The following B3GALT1 variants were observed in gnomAD, a reference collection of about 807,000 sequenced individuals.
The protein encoded by B3GALT1 is UDP-Gal:betaGlcNAc beta 1,3-galactosyltransferase, polypeptide 1.
B3GALT1 carries 10 observed loss-of-function variants against 23.2 expected under a neutral mutation model. The observed-to-expected ratio is 0.43, with a 90% CI of 0.27 to 0.73. The LOEUF (loss-of-function observed/expected upper bound fraction) is 0.73, where lower values mean the gene tolerates loss of function less well. Among genes scored for constraint, B3GALT1 ranks in the 30% least tolerant of loss-of-function variants. The probability of loss-of-function intolerance (pLI) is 0.21; values close to 1 mark genes in which losing one functional copy is unlikely to be tolerated. For synonymous variants in B3GALT1, 156 were observed against 141.5 expected, an observed-to-expected ratio of 1.10 and a Z score of -0.73; for missense variants, 299 against 405.4, an observed-to-expected ratio of 0.74 and a Z score of 2.25.
chr2:167,425,533 C>G (rs1288599460), intron 1 of B3GALT1, among the ~76,000 whole-genome samples: 1 of 152,204 alleles, frequency 6.6e-6, no homozygotes, highest in African/African-American at 2.4e-5. Flanking sequence ...TTTCATACAT[C>G]TCCAGATGCT....
chr2:167,305,427 G>A (rs187782666), intron 1 of B3GALT1, among the ~76,000 whole-genome samples: 7 of 152,104 alleles, frequency 4.6e-5, no homozygotes, highest in African/African-American at 1.7e-4. Context: ...CTGATATTTT[G>A]GTTAACACAA....
rs1010227271 is a variant in B3GALT1, at chr2:167,715,728, C to G, written c.-352+68762C>G. The G allele has an allele frequency of 6.2e-6, 10 of 1,613,034 alleles. No homozygotes were observed. In the Admixed American group the frequency reaches 6.7e-5, roughly 11 times the overall value. On this transcript the variant is annotated intron_variant, in intron 3 of 4. Transcript: ENST00000392690. The stretch of plus-strand genomic sequence containing the variant: ...GCCGCCTTCTCAAAGCTGGCATCCT[C>G]TAAAGATGACTGTACTTCATAGCCT...
At chr2:167,752,568 A>G (rs1042005677) in intron 3 of B3GALT1, among the ~76,000 whole-genome samples, 7 of 148,760 alleles carry the variant, frequency 4.7e-5, no homozygotes, top group Non-Finnish European at 7.4e-5. Context: ...GAATAATAGC[A>G]TCCTCCCCCC....
At chr2:167,670,566 G>A (rs1430731696) in intron 3 of B3GALT1, among the ~76,000 whole-genome samples, 1 of 152,174 alleles carries the variant, frequency 6.6e-6, no homozygotes, top group African/African-American at 2.4e-5. Flanking sequence ...CCCCAAAGAA[G>A]TGGAGCTCTA....
chr2:167,860,643 A>C (rs1559005989), intron 4 of B3GALT1, among the ~76,000 whole-genome samples: 1 of 152,192 alleles, frequency 6.6e-6, no homozygotes, highest in Admixed American at 6.5e-5. Flanking sequence ...AAGATGTAGT[A>C]GTATTTTGCA....
At chr2:167,676,345 C>T (rs2105488306) in intron 3 of B3GALT1, among the ~76,000 whole-genome samples, 1 of 152,186 alleles carries the variant, frequency 6.6e-6, no homozygotes, top group South Asian at 2.1e-4. Flanking sequence ...TTCAGAGAAG[C>T]AGAAAGTACT....
At chr2:167,384,262 C>T (rs1321307168) in intron 1 of B3GALT1, among the ~76,000 whole-genome samples, 1 of 152,036 alleles carries the variant, frequency 6.6e-6, no homozygotes, top group Non-Finnish European at 1.5e-5. Flanking sequence ...TTTCTGGATC[C>T]TTAAAGATAA....
chr2:167,580,355 G>A (rs929174950), intron 2 of B3GALT1, among the ~76,000 whole-genome samples: 1 of 151,892 alleles, frequency 6.6e-6, no homozygotes, highest in Non-Finnish European at 1.5e-5. Flanking sequence ...CAACCCCTCC[G>A]ACTTCTCTTG....
intron 2 of B3GALT1, among the ~76,000 whole-genome samples, chr2:167,518,778 C>T (rs957620526): frequency 6.6e-6 from 1 of 152,176 alleles, no homozygotes; most frequent in Non-Finnish European, 1.5e-5. Context: ...ATGCCTGGTA[C>T]TTTCCTTACA....
At chr2:167,528,136 C>G (rs1683253410) in intron 2 of B3GALT1, among the ~76,000 whole-genome samples, 1 of 152,192 alleles carries the variant, frequency 6.6e-6, no homozygotes, top group Admixed American at 6.6e-5. Context: ...AAAAGCCACA[C>G]AGCTTACTGT....
At chr2:167,664,463 A>G (rs1034857773) in intron 3 of B3GALT1, among the ~76,000 whole-genome samples, 2 of 152,012 alleles carry the variant, frequency 1.3e-5, no homozygotes, top group African/African-American at 4.8e-5. Context: ...TTGGTTCTAT[A>G]TGAACTTTAA....
chr2:167,797,936 C>T (rs567622597), intron 3 of B3GALT1, among the ~76,000 whole-genome samples: 2 of 152,276 alleles, frequency 1.3e-5, no homozygotes, highest in South Asian at 2.1e-4. Flanking sequence ...AATCTCCTGA[C>T]CTCATGATCC....
intron 3 of B3GALT1, among the ~76,000 whole-genome samples, chr2:167,668,538 C>A (rs1686255823): frequency 6.6e-6 from 1 of 152,154 alleles, no homozygotes; most frequent in South Asian, 2.1e-4. Flanking sequence ...GGCGGGCACC[C>A]CTCCCCCAGC....
chr2:167,645,890 G>C (rs1310250890), intron 2 of B3GALT1, among the ~76,000 whole-genome samples: 3 of 151,990 alleles, frequency 2.0e-5, no homozygotes, highest in African/African-American at 7.2e-5. Flanking sequence ...TGTGTACTTG[G>C]GGTGGGAGTG....
intron 2 of B3GALT1, among the ~76,000 whole-genome samples, chr2:167,627,484 G>T (rs988826927): frequency 2.6e-5 from 4 of 151,634 alleles, no homozygotes; most frequent in Admixed American, 6.6e-5. Context: ...ATTCATCCAC[G>T]TTGCTGCATG....
At chr2:167,560,525 G>C (rs1323530825) in intron 2 of B3GALT1, among the ~76,000 whole-genome samples, 3 of 152,178 alleles carry the variant, frequency 2.0e-5, no homozygotes, top group Non-Finnish European at 4.4e-5. Flanking sequence ...TGAATAAAGA[G>C]TCAAGACCCA....
chr2:167,537,998 T>C (rs907415634), intron 2 of B3GALT1, among the ~76,000 whole-genome samples: 1 of 152,064 alleles, frequency 6.6e-6, no homozygotes, highest in Non-Finnish European at 1.5e-5. Flanking sequence ...CATTTTTGTA[T>C]TTTTACTAGA....
chr2:167,802,401 T>G (rs573146467), intron 3 of B3GALT1, among the ~76,000 whole-genome samples: 1 of 152,354 alleles, frequency 6.6e-6, no homozygotes, highest in African/African-American at 2.4e-5. Flanking sequence ...TTTGTGTGGT[T>G]GTTTTTTATC....
At chr2:167,769,731 T>C (rs1168787023) in intron 3 of B3GALT1, among the ~76,000 whole-genome samples, 1 of 152,260 alleles carries the variant, frequency 6.6e-6, no homozygotes, top group Non-Finnish European at 1.5e-5. Flanking sequence ...TATTCTTGCT[T>C]TTATTAATCA....
Sources: allele counts gnomAD v4.1 joint callset (sites outside exome capture counted in the v4.1 genomes callset), GRCh38; gene constraint gnomAD v4.1.1; transcripts MANE v1.5; gene names NCBI Gene and HGNC (gene_info 2026-07-23, HGNC 2026-07-21).